CLMP: variants seen among roughly 807,000 people sequenced by gnomAD.
CLMP encodes the protein CXADR-like membrane protein.
Under a neutral mutation model 45.2 loss-of-function variants are expected in CLMP, and 27 were observed. The ratio of observed to expected loss-of-function variants is 0.60; its 90% CI spans 0.44 to 0.82. The LOEUF (loss-of-function observed/expected upper bound fraction) is 0.82, where lower values mean the gene tolerates loss of function less well. Among genes scored for constraint, CLMP ranks in the 40% least tolerant of loss-of-function variants. CLMP has a pLI of 0.00. For missense variants in CLMP, 403 were observed against 448.4 expected (o/e 0.90, Z 0.91); for synonymous variants, 167 against 171.4 (o/e 0.97, Z 0.20).
intron 1 of CLMP, among the ~76,000 whole-genome samples, chr11:123,187,146 A>G (rs1488091556): frequency 6.6e-6 from 1 of 152,190 alleles, no homozygotes; most frequent in Non-Finnish European, 1.5e-5. Context: ...CTGATGAGAA[A>G]CCTAAGGTTG....
chr11:123,129,626 TAA>T (rs911191972), intron 1 of CLMP, among the ~76,000 whole-genome samples: 1 of 141,586 alleles, frequency 7.1e-6, no homozygotes, highest in Non-Finnish European at 1.5e-5. Flanking sequence ...TTATATAATA[TAA>T]TATATATTAT....
chr11:123,122,133 G>A (rs1346809747), intron 1 of CLMP, among the ~76,000 whole-genome samples: 1 of 152,110 alleles, frequency 6.6e-6, no homozygotes, highest in African/African-American at 2.4e-5. Context: ...AGTGATTTAG[G>A]GGGCAGGTAC....
chr11:123,163,672 G>A (rs2135535211), intron 1 of CLMP, among the ~76,000 whole-genome samples: 1 of 152,308 alleles, frequency 6.6e-6, no homozygotes, highest in East Asian at 1.9e-4. Flanking sequence ...CTAGGGCCTG[G>A]CAACTTACTA....
chr11:123,183,007 C>T (rs1284117990), intron 1 of CLMP, among the ~76,000 whole-genome samples: 1 of 152,202 alleles, frequency 6.6e-6, no homozygotes, highest in East Asian at 1.9e-4. Flanking sequence ...GTGAGGATGT[C>T]ACCTCTCTCA....
intron 1 of CLMP, among the ~76,000 whole-genome samples, chr11:123,105,366 TC>T (rs1565383477): frequency 4.0e-5 from 3 of 74,944 alleles, no homozygotes; most frequent in African/African-American, 1.6e-4. Flanking sequence ...CCTCCCTCCC[TC>T]CCTCCCTCCC....
intron 1 of CLMP, among the ~76,000 whole-genome samples, chr11:123,124,709 TCTC>T (rs746732696): frequency 2.0e-5 from 3 of 152,314 alleles, no homozygotes; most frequent in South Asian, 4.1e-4. Context: ...AAACGGATAT[TCTC>T]CTTATTTTGT....
intron 1 of CLMP, among the ~76,000 whole-genome samples, chr11:123,138,342 G>A (rs1861106519): frequency 6.6e-6 from 1 of 151,992 alleles, no homozygotes; most frequent in African/African-American, 2.4e-5. Context: ...TTCCTGTTAC[G>A]AATTTTATGA....
chr11:123,128,446 G>A (rs987042537), intron 1 of CLMP, among the ~76,000 whole-genome samples: 5 of 152,082 alleles, frequency 3.3e-5, no homozygotes, highest in African/African-American at 1.2e-4. Flanking sequence ...AGGATCGCTT[G>A]AGCCCAGGAG....
chr11:123,177,513 T>G (rs965006873), intron 1 of CLMP, among the ~76,000 whole-genome samples: 28 of 152,170 alleles, frequency 1.8e-4, no homozygotes, highest in African/African-American at 6.5e-4. Context: ...CATGAGGGGT[T>G]CATGGGAATC....
At chr11:123,183,451 G>A (rs1243786307) in intron 1 of CLMP, among the ~76,000 whole-genome samples, 3 of 151,922 alleles carry the variant, frequency 2.0e-5, no homozygotes, top group East Asian at 1.9e-4. Flanking sequence ...GACTGGTCTC[G>A]AACTCCTGAC....
At chr11:123,133,089 T>C (rs996023282) in intron 1 of CLMP, among the ~76,000 whole-genome samples, 5 of 152,096 alleles carry the variant, frequency 3.3e-5, no homozygotes, top group African/African-American at 1.2e-4. Context: ...AACTGCCCAC[T>C]AAGGAATTCT....
intron 1 of CLMP, among the ~76,000 whole-genome samples, chr11:123,129,353 CATATG>C (rs1342777449): frequency 1.6e-5 from 2 of 122,822 alleles, no homozygotes; most frequent in Non-Finnish European, 3.4e-5. Flanking sequence ...TAAAATATAT[CATATG>C]ATATATTATA....
chr11:123,073,396 G>C lies in CLMP; in HGVS notation c.*78C>G. 6.8e-7 allele frequency: 1 copy of C among 1,477,128 alleles called. No individual in the cohort carries two copies. The highest frequency in any genetic ancestry group is 1.3e-5 in the South Asian group (1 of 74,878). The allele number at this position is 1,477,128 out of a possible 1,614,324, so 91.5% of individuals were successfully genotyped here. A position where few individuals can be genotyped will look rare whatever the true frequency, so the allele number is the denominator to read the frequency against. ...GACCTCTCATCTGGTTGTGTGGCTGGTGACTTGAGCTCCAATGACGAGAAG... is the reference window on the plus strand; with the variant it reads ...GACCTCTCATCTGGTTGTGTGGCTGCTGACTTGAGCTCCAATGACGAGAAG... On this transcript the variant is annotated 3_prime_UTR_variant, in exon 7 of 7. Transcript: ENST00000448775.
intron 1 of CLMP, among the ~76,000 whole-genome samples, chr11:123,131,662 C>T (rs1860990635): frequency 6.6e-6 from 1 of 150,688 alleles, no homozygotes; most frequent in Non-Finnish European, 1.5e-5. Context: ...GTTGCCCAGG[C>T]TGGAGTGCAA....
chr11:123,075,116 C>T (rs1410828472), intron 5 of CLMP, among the ~76,000 whole-genome samples: 1 of 151,894 alleles, frequency 6.6e-6, no homozygotes, highest in Admixed American at 6.6e-5. Context: ...CCACCACGCC[C>T]GGCTAATTTT....
chr11:123,164,558 C>A (rs1010808634), intron 1 of CLMP, among the ~76,000 whole-genome samples: 1 of 152,148 alleles, frequency 6.6e-6, no homozygotes, highest in South Asian at 2.1e-4. Context: ...CCCATCTCGG[C>A]CTCCCAAAGT....
chr11:123,090,440 A>G (rs1865918216), intron 2 of CLMP, among the ~76,000 whole-genome samples: 1 of 151,910 alleles, frequency 6.6e-6, no homozygotes, highest in South Asian at 2.1e-4. Flanking sequence ...AAGAAAAAAC[A>G]CTGTGCCAGG....
intron 2 of CLMP, among the ~76,000 whole-genome samples, chr11:123,097,013 T>G (rs2135479797): frequency 6.6e-6 from 1 of 152,190 alleles, no homozygotes; most frequent in South Asian, 2.1e-4. Flanking sequence ...CACATCTGGC[T>G]AATTAAAAAA....
rs766986302 is a variant in CLMP, at chr11:123,150,532, G to GC, written c.28+44380_28+44381insG. Among the ~76,000 whole-genome samples, 409 of 110,824 alleles carry GC rather than the reference G, an allele frequency of 3.7e-3. 1 individual carries two copies. The highest frequency in any genetic ancestry group is 0.029 in the East Asian group (89 of 3,104). The allele number at this position is 110,824 out of a possible 152,430, so 72.7% of individuals were successfully genotyped here. On this transcript the variant is annotated intron_variant, in intron 1 of 6. Coordinates refer to ENST00000448775, the MANE Select transcript of CLMP (RefSeq NM_024769.5). ...GGAAGGAAGGAAGGAAGGAAGGAAA[G>GC]AAACAAGCAAGGAAGGAAGGAAGGA... is the stretch of plus-strand genomic sequence containing the variant.
Sources: allele counts gnomAD v4.1 joint callset (sites outside exome capture counted in the v4.1 genomes callset), GRCh38; gene constraint gnomAD v4.1.1; transcripts MANE v1.5; gene names NCBI Gene and HGNC (gene_info 2026-07-23, HGNC 2026-07-21).